The following SBNO2 variants were observed in gnomAD, a reference collection of about 807,000 sequenced individuals.
SBNO2 encodes the protein protein strawberry notch homolog 2.
SBNO2 carries 89 observed loss-of-function variants against 146.3 expected under a neutral mutation model. The ratio of observed to expected loss-of-function variants is 0.61; its 90% CI spans 0.51 to 0.73. The LOEUF is 0.73. SBNO2 is among the 30% of genes least tolerant of loss of function. The pLI, the probability that SBNO2 is intolerant of heterozygous loss-of-function variation, is 0.00. For missense variants in SBNO2, 2,092 were observed against 2,003.7 expected (o/e 1.04, Z -0.84); for synonymous variants, 1,147 against 892.6 (o/e 1.29, Z -5.08).
chr19:1,125,228 G>A (rs1221252987), intron 5 of SBNO2, among the ~76,000 whole-genome samples: 2 of 151,456 alleles, frequency 1.3e-5, no homozygotes, highest in East Asian at 1.9e-4. Flanking sequence ...GTGTGGTGGT[G>A]GGCGCCTGTA....
In SBNO2 at chr19:1,114,388, C is replaced by A; in HGVS notation, c.1920G>T (p.Arg640=). 6.5e-7 allele frequency: 1 copy of A among 1,550,260 alleles called. No individual in the cohort carries two copies. The highest frequency in any genetic ancestry group is 8.7e-7 in the Non-Finnish European group (1 of 1,146,622). ...TGACGCCCGCTGTCTCGCACGCCAGCCGGGGGGCTTTGGCCCCGCGTCCCC... is the reference window on the plus strand; with the variant it reads ...TGACGCCCGCTGTCTCGCACGCCAGACGGGGGGCTTTGGCCCCGCGTCCCC... ...RPRGRGAKAP[R]LACETAGVIR... Residue 640 remains arginine (R), a synonymous_variant, in exon 18 of 32, where the codon CGG becomes CGT. Coordinates refer to ENST00000361757, the MANE Select transcript of SBNO2 (RefSeq NM_014963.3).
At chr19:1,159,129 G>A (rs1371722028) in intron 1 of SBNO2, among the ~76,000 whole-genome samples, 2 of 149,568 alleles carry the variant, frequency 1.3e-5, no homozygotes, top group Non-Finnish European at 2.9e-5. Flanking sequence ...CCTCCAGATG[G>A]GCTCAAGACA....
In SBNO2 at chr19:1,112,725, G is replaced by A; in HGVS notation, c.2379+93C>T. ...CCGCACCTGGCACACACACACTCCA[G>A]AAGTGCGCGGGTCCACAGTCCCCGG... On this transcript the variant is annotated intron_variant, in intron 20 of 31. Transcript: ENST00000361757. This position sits in a 1 kb window ranked among gnomAD's most constrained non-coding sequence, Gnocchi z 5.9. 14 of 1,473,740 alleles carry A rather than the reference G, an allele frequency of 9.5e-6. No individual in the cohort carries two copies. The highest frequency in any genetic ancestry group is 2.5e-5 in the East Asian group (1 of 40,274). 91.3% of individuals were successfully genotyped at this position (1,473,740 alleles called of 1,614,324 possible).
chr19:1,133,959 C>G (rs1057097094), intron 4 of SBNO2, among the ~76,000 whole-genome samples: 13 of 152,238 alleles, frequency 8.5e-5, no homozygotes, highest in African/African-American at 3.1e-4. Flanking sequence ...CACGTGCCAT[C>G]AGGAGGACCC....
At position 1,157,928 on chromosome 19, in the gene SBNO2, C is replaced by T. The variant is rs1461839584; in HGVS notation, c.-126-3526G>A. 1.8e-4 allele frequency among the ~76,000 whole-genome samples: 28 copies of T among 151,688 alleles called. No individual in the cohort carries two copies. The highest frequency in any genetic ancestry group is 5.6e-4 in the African/African-American group (23 of 41,260). On this transcript the variant is annotated intron_variant, in intron 1 of 31. Transcript: ENST00000361757. The surrounding 1 kb of genome is among the most constrained non-coding windows in gnomAD (Gnocchi z 6.8). The stretch of plus-strand genomic sequence containing the variant: ...CCGGATAACTGTCCGCCTCCCAGCT[C>T]TCTCCTGAGTCCGGATAACTGTCCG...
At chr19:1,155,561 C>G (rs766182731) in intron 1 of SBNO2, among the ~76,000 whole-genome samples, 1 of 152,200 alleles carries the variant, frequency 6.6e-6, no homozygotes, top group Non-Finnish European at 1.5e-5. Flanking sequence ...GGGACAGGCC[C>G]GCTGGGATCT....
chr19:1,108,920 G>T lies in SBNO2; in HGVS notation c.3475C>A (p.Leu1159Met). The T allele has an allele frequency of 1.6e-5, 25 of 1,574,234 alleles. No homozygotes were observed. The highest frequency in any genetic ancestry group is 2.1e-5 in the Non-Finnish European group (24 of 1,167,972). Residue 1159 changes from leucine (L) to methionine (M), a missense_variant, in exon 31 of 32, where the codon CTG (leucine) becomes ATG (methionine). Leu to Met is a conservative substitution (Grantham distance 15). Coordinates refer to ENST00000361757, the MANE Select transcript of SBNO2 (RefSeq NM_014963.3). ...AQEGKDCLQG[L>M]RLRHHYMLCG... ...AGCATGTAGTGGTGCCGCAGCCGCAGCCCCTGCAGGCAGTCCTTACCCTCC... is the reference window on the plus strand; with the variant it reads ...AGCATGTAGTGGTGCCGCAGCCGCATCCCCTGCAGGCAGTCCTTACCCTCC...
chr19:1,136,127 C>T lies in SBNO2; in HGVS notation c.280-8362G>A, dbSNP rs1268047740. On this transcript the variant is annotated intron_variant, in intron 4 of 31. Coordinates refer to ENST00000361757, the MANE Select transcript of SBNO2 (RefSeq NM_014963.3). The surrounding 1 kb of genome is among the most constrained non-coding windows in gnomAD (Gnocchi z 4.2). ...CCACGGGACACAGAAGCAGAGATCC[C>T]AGCCCTGCGGCCACAGCCAGGGGAT... Among the ~76,000 whole-genome samples, 1 of 152,204 alleles carries T rather than the reference C, an allele frequency of 6.6e-6. No homozygotes were observed. The highest frequency in any genetic ancestry group is 1.5e-5 in the Non-Finnish European group (1 of 68,024).
At chr19:1,149,984 G>A (rs931342961) in intron 2 of SBNO2, among the ~76,000 whole-genome samples, 1 of 152,194 alleles carries the variant, frequency 6.6e-6, no homozygotes, top group Non-Finnish European at 1.5e-5. Flanking sequence ...GCTGCGGGAC[G>A]GGGCCCTGAC....
At position 1,117,512 on chromosome 19, in the gene SBNO2, G is replaced by GT; in HGVS notation, c.1528-14dup. The GT allele has an allele frequency of 6.4e-7, 1 of 1,564,528 alleles. No homozygotes were observed. Among genetic ancestry groups the GT allele is most frequent in the South Asian group, 1.2e-5 (1 of 85,038 alleles). The stretch of plus-strand genomic sequence containing the variant: ...GGGCCTCGGCCCACTGCAATGACAC[G>GT]TCACAAGGCGCCCCTGAGCTGTGGC... On this transcript the variant is annotated splice_polypyrimidine_tract_variant and intron_variant, in intron 14 of 31. Coordinates refer to ENST00000361757, the MANE Select transcript of SBNO2 (RefSeq NM_014963.3).
intron 5 of SBNO2, among the ~76,000 whole-genome samples, chr19:1,124,968 G>A (rs1158084913): frequency 6.6e-6 from 1 of 152,132 alleles, no homozygotes; most frequent in Non-Finnish European, 1.5e-5. Flanking sequence ...ATGGCTGGGG[G>A]ATGGTAGGGT....
chr19:1,111,479 A>T (rs1449031289), intron 24 of SBNO2, 27 bp downstream of exon 24: 1 of 1,489,162 alleles, frequency 6.7e-7, no homozygotes, highest in East Asian at 2.5e-5. Flanking sequence ...TGCCCCTCCC[A>T]GGAAGACCCC....
intron 6 of SBNO2, 54 bp downstream of exon 6, chr19:1,123,888 C>T: frequency 3.2e-6 from 5 of 1,557,204 alleles, no homozygotes; most frequent in African/African-American, 1.4e-5. Flanking sequence ...TGAGCCCTCT[C>T]CTTAGGTCCC....
intron 12 of SBNO2, 24 bp downstream of exon 12, chr19:1,119,882 C>A (rs1320461114): frequency 6.6e-7 from 1 of 1,510,632 alleles, no homozygotes. Context: ...GCGGGTGGGT[C>A]ACGTGGGATC....
intron 14 of SBNO2, 122 bp downstream of exon 14, chr19:1,118,889 A>C: frequency 4.8e-6 from 5 of 1,039,442 alleles, no homozygotes; most frequent in Admixed American, 2.9e-5. Context: ...ACAAAAAAAA[A>C]ACCCCAGGAC....
chr19:1,162,370 G>T (rs1474105505), intron 1 of SBNO2, among the ~76,000 whole-genome samples: 1 of 149,880 alleles, frequency 6.7e-6, no homozygotes, highest in East Asian at 2.0e-4. Context: ...CGAGGCAGGA[G>T]AATGGCGTGA....
intron 5 of SBNO2, among the ~76,000 whole-genome samples, chr19:1,124,449 A>T (rs2079942146): frequency 6.6e-6 from 1 of 151,846 alleles, no homozygotes. Flanking sequence ...GGGGCCTGGG[A>T]GACAAGGGGT....
intron 1 of SBNO2, among the ~76,000 whole-genome samples, chr19:1,164,888 CAGG>C (rs1247621327): frequency 0.058 from 102 of 1,756 alleles, 3 homozygotes; most frequent in African/African-American, 0.17. Context: ...GGAGGAGGAA[CAGG>C]AGGAGGAGGA....
Position 1,144,060 on chromosome 19 carries a change from C to G in SBNO2, c.279+3249G>C, listed in dbSNP as rs946256072. 6.6e-6 allele frequency among the ~76,000 whole-genome samples: 1 copy of G among 152,234 alleles called. No individual in the cohort carries two copies. The highest frequency in any genetic ancestry group is 2.4e-5 in the African/African-American group (1 of 41,466). ...GGCACGGCGCAAAGGGCCTCGAACACCAGGCTCAGGTCTGGGCTCCTTCCT... is the reference window on the plus strand; with the variant it reads ...GGCACGGCGCAAAGGGCCTCGAACAGCAGGCTCAGGTCTGGGCTCCTTCCT... On this transcript the variant is annotated intron_variant, in intron 4 of 31. Transcript: ENST00000361757. This position sits in a 1 kb window ranked among gnomAD's most constrained non-coding sequence, Gnocchi z 4.1.
Sources: gnomAD v4.1 joint callset for allele counts (sites outside exome capture counted in the v4.1 genomes callset) on GRCh38, gnomAD v4.1.1 for gene constraint, Gnocchi (gnomAD v3.1) non-coding constraint, MANE v1.5 for transcripts, NCBI Gene and HGNC (gene_info 2026-07-23, HGNC 2026-07-21) for gene names.